Variants in ATXN2 observed in about 807,000 individuals in gnomAD.
The protein encoded by ATXN2 is ataxin-2.
In ATXN2, 37 loss-of-function variants were observed where a neutral mutation model predicts 138.6. The ratio of observed to expected loss-of-function variants is 0.27; its 90% confidence interval spans 0.21 to 0.35. The LOEUF (loss-of-function observed/expected upper bound fraction) is 0.35. ATXN2 is among the 10% of genes least tolerant of loss of function. ATXN2 has a pLI of 1.00. For synonymous variants in ATXN2, 549 were observed against 543.7 expected, an observed-to-expected ratio of 1.01 and a Z score of -0.13; for missense variants, 1,216 against 1,480.3, an observed-to-expected ratio of 0.82 and a Z score of 2.93.
chr12:111,510,516 G>T lies in ATXN2; in HGVS notation c.1625C>A (p.Pro542His), dbSNP rs149774930. ...GGGAGAAGCAAGAACTGGCCCACTGGGGGTATTTCCAATACTGTTCTGTCT... is the reference window on the plus strand; with the variant it reads ...GGGAGAAGCAAGAACTGGCCCACTGTGGGTATTTCCAATACTGTTCTGTCT... ...SPRQNSIGNT[P>H]SGPVLASPQA... Residue 542 changes from proline to histidine, a missense_variant, in exon 12 of 25, where the codon CCC becomes CAC. Coordinates refer to ENST00000673436, the MANE Select transcript of ATXN2 (RefSeq NM_001372574.1). 40 of 1,614,022 alleles carry T rather than the reference G, an allele frequency of 2.5e-5. No homozygotes were observed. The African/African-American group carries it at 2.9e-4, about 12-fold the overall frequency.
intron 23 of ATXN2, 139 bp downstream of exon 23, chr12:111,455,890 C>A: frequency 3.6e-6 from 3 of 828,564 alleles, no homozygotes; most frequent in Non-Finnish European, 4.2e-6. Context: ...GGCCAGATCA[C>A]GTGTATTTGA....
At chr12:111,526,424 G>C (rs1265521643) in intron 5 of ATXN2, among the ~76,000 whole-genome samples, 1 of 132,556 alleles carries the variant, frequency 7.5e-6, no homozygotes, top group South Asian at 2.5e-4. Flanking sequence ...TTTCTTTTTT[G>C]AGATGGAGCT....
At chr12:111,550,185 TGAGTA>T (rs1275984409) in intron 5 of ATXN2, among the ~76,000 whole-genome samples, 2 of 152,200 alleles carry the variant, frequency 1.3e-5, no homozygotes, top group African/African-American at 4.8e-5. Flanking sequence ...CATCCCCTTA[TGAGTA>T]GAGTGAGATT....
intron 1 of ATXN2, chr12:111,597,977 C>A: frequency 1.6e-6 from 2 of 1,218,124 alleles, no homozygotes. Context: ...CGGCCACCAC[C>A]CGCGCGCCGG....
rs1402060854 is a variant in ATXN2, at chr12:111,598,186, C to T, written c.251+598G>A. ...GGGGCCAAGGCCCACTTGTCTCCAC[C>T]CCGTCCTCCGATCTTTCCCAGGACT... On this transcript the variant is annotated intron_variant, in intron 1 of 24. Transcript: ENST00000673436. The surrounding 1 kb of genome is among the most constrained non-coding windows in gnomAD (Gnocchi z 4.5). The T allele has an allele frequency of 3.9e-5, 41 of 1,060,654 alleles. No individual in the cohort carries two copies. The highest frequency in any genetic ancestry group is 8.0e-5 in the East Asian group (1 of 12,506). The allele number at this position is 1,060,654 out of a possible 1,614,324, so 65.7% of individuals were successfully genotyped here.
chr12:111,545,019 C>T (rs567685260), intron 5 of ATXN2, among the ~76,000 whole-genome samples: 6 of 151,896 alleles, frequency 4.0e-5, no homozygotes, highest in Admixed American at 6.6e-5. Context: ...TTTAGCTGGG[C>T]GTGGTGGCAG....
intron 2 of ATXN2, 109 bp downstream of exon 2, chr12:111,555,774 A>C: frequency 1.1e-6 from 1 of 901,588 alleles, no homozygotes; most frequent in African/African-American, 1.7e-5. Flanking sequence ...CAAGTTATCT[A>C]TGACAAAATT....
At chr12:111,504,984 G>C (rs1014377687) in intron 14 of ATXN2, among the ~76,000 whole-genome samples, 5 of 152,172 alleles carry the variant, frequency 3.3e-5, no homozygotes, top group Non-Finnish European at 7.4e-5. Context: ...TTCACTTTGG[G>C]AGGCTGAGGT....
At chr12:111,510,670 T>TA in intron 11 of ATXN2, 88 bp from the exon 12 acceptor site, 1 of 1,218,500 alleles carries the variant, frequency 8.2e-7, no homozygotes, top group Non-Finnish European at 1.2e-6. Context: ...AAGATCTAGG[T>TA]AAATAAAACT....
chr12:111,576,635 C>T (rs931877564), intron 1 of ATXN2, among the ~76,000 whole-genome samples: 5 of 151,806 alleles, frequency 3.3e-5, no homozygotes, highest in South Asian at 2.1e-4. Context: ...AGATGAGCCA[C>T]GCACAAATGG....
chr12:111,585,469 T>G (rs1884272110), intron 1 of ATXN2, among the ~76,000 whole-genome samples: 1 of 149,802 alleles, frequency 6.7e-6, no homozygotes, highest in South Asian at 2.1e-4. Flanking sequence ...GCCAAGATTG[T>G]ACCATTGCAC....
Position 111,477,185 on chromosome 12 carries a change from A to C in ATXN2, c.2525-6443T>G, listed in dbSNP as rs981260175. ...TGGTGAGACCCTGTCTCTACTAAAA[A>C]AAAAAAAAAAAAAAATACAAATTAG... On this transcript the variant is annotated intron_variant, in intron 18 of 24. Coordinates refer to ENST00000673436, the MANE Select transcript of ATXN2 (RefSeq NM_001372574.1). Among the ~76,000 whole-genome samples the C allele has an allele frequency of 1.6e-3, 245 of 151,350 alleles. 1 individual carries two copies. The highest frequency in any genetic ancestry group is 1.3e-3 in the Non-Finnish European group (91 of 67,770).
Position 111,518,224 on chromosome 12 carries a change from T to C in ATXN2, c.1165+25A>G, listed in dbSNP as rs369848889. 10 of 1,529,200 alleles carry C rather than the reference T, an allele frequency of 6.5e-6. No individual in the cohort carries two copies. In the African/African-American group the frequency reaches 1.4e-4, roughly 21 times the overall value. 94.7% of individuals were successfully genotyped at this position (1,529,200 alleles called of 1,614,324 possible). On this transcript the variant is annotated intron_variant, in intron 9 of 24. Transcript: ENST00000673436. ...TAGAAAACTATTTTATCAATGATATTGACAAGTCTGGTCAAAATACTTGCC... is the reference window on the plus strand; with the variant it reads ...TAGAAAACTATTTTATCAATGATATCGACAAGTCTGGTCAAAATACTTGCC...
At chr12:111,482,073 C>T (rs1214922764) in intron 18 of ATXN2, among the ~76,000 whole-genome samples, 3 of 152,014 alleles carry the variant, frequency 2.0e-5, no homozygotes, top group Non-Finnish European at 2.9e-5. Flanking sequence ...ATATTCAGGC[C>T]AGGAGCAGTG....
chr12:111,537,596 A>G (rs12427029), intron 5 of ATXN2, among the ~76,000 whole-genome samples: 3 of 150,836 alleles, frequency 2.0e-5, no homozygotes, highest in African/African-American at 7.3e-5. Flanking sequence ...AAAAAAAAAG[A>G]AAAAAAAAGG....
chr12:111,591,323 G>A (rs1004315396), intron 1 of ATXN2, among the ~76,000 whole-genome samples: 1 of 151,952 alleles, frequency 6.6e-6, no homozygotes, highest in East Asian at 1.9e-4. Flanking sequence ...TATATATTAC[G>A]TTTCTATTTA....
At position 111,518,599 on chromosome 12, in the gene ATXN2, AC is replaced by A. The variant is rs551079044; in HGVS notation, c.987-173del. 2.0e-5 allele frequency among the ~76,000 whole-genome samples: 3 copies of A among 152,198 alleles called. No individual in the cohort carries two copies. The South Asian group carries it at 6.2e-4, about 32-fold the overall frequency. On this transcript the variant is annotated intron_variant, in intron 8 of 24. Coordinates refer to ENST00000673436, the MANE Select transcript of ATXN2 (RefSeq NM_001372574.1). ...TTCTTCCATCTTACCCTGAGTTCTA[AC>A]CTCTGGACTGTCCCTTCCCTTAGAT...
chr12:111,588,425 C>T (rs993710291), intron 1 of ATXN2, among the ~76,000 whole-genome samples: 1 of 151,994 alleles, frequency 6.6e-6, no homozygotes, highest in East Asian at 1.9e-4. Flanking sequence ...AAGTTCCAGA[C>T]CAGCCTGGCC....
intron 17 of ATXN2, 40 bp downstream of exon 17, chr12:111,485,673 A>T (rs2135698826): frequency 6.2e-7 from 1 of 1,609,716 alleles, no homozygotes; most frequent in East Asian, 2.2e-5. Flanking sequence ...AGATACAAAC[A>T]ATTGGGGAGG....
Sources: allele counts gnomAD v4.1 joint callset (sites outside exome capture counted in the v4.1 genomes callset), GRCh38; gene constraint gnomAD v4.1.1; non-coding constraint Gnocchi (gnomAD v3.1); transcripts MANE v1.5; gene names NCBI Gene and HGNC (gene_info 2026-07-23, HGNC 2026-07-21).